Variants in TPRKB observed in about 807,000 individuals in gnomAD.
The protein encoded by TPRKB is TP53RK binding protein.
A neutral mutation model predicts 17.8 loss-of-function variants in TPRKB; 11 were observed. The ratio of observed to expected loss-of-function variants is 0.62; its 90% CI spans 0.39 to 1.02. The LOEUF is 1.02. Among genes scored for constraint, TPRKB ranks in the 50% least tolerant of loss-of-function variants. The pLI, the probability that TPRKB is intolerant of heterozygous loss-of-function variation, is 0.00. For synonymous variants in TPRKB, 71 were observed against 69.5 expected, an observed-to-expected ratio of 1.02 and a Z score of -0.11; for missense variants, 228 against 198.0, an observed-to-expected ratio of 1.15 and a Z score of -0.91.
At chr2:73,733,029 T>C (rs549391093) in intron 2 of TPRKB, among the ~76,000 whole-genome samples, 5 of 152,320 alleles carry the variant, frequency 3.3e-5, no homozygotes, top group South Asian at 2.1e-4. Context: ...AGGAAACTTA[T>C]GCAAGTTCAT....
At chr2:73,737,152 G>C (rs189406204) in intron 1 of TPRKB, 150 bp downstream of exon 1, 4 of 152,282 alleles carry the variant, frequency 2.6e-5, no homozygotes, top group African/African-American at 9.7e-5. Flanking sequence ...GGGACAGCCT[G>C]ACTCTATCAT....
At chr2:73,735,710 T>A (rs947310007) in intron 1 of TPRKB, among the ~76,000 whole-genome samples, 4 of 152,160 alleles carry the variant, frequency 2.6e-5, no homozygotes, top group Non-Finnish European at 5.9e-5. Context: ...ATGGAAAAAC[T>A]ATGTATTGCA....
chr2:73,734,664 T>G (rs778392469), intron 1 of TPRKB, 73 bp from the exon 2 acceptor site: 15 of 1,331,008 alleles, frequency 1.1e-5, no homozygotes, highest in Non-Finnish European at 1.5e-5. Flanking sequence ...TAATAAATAT[T>G]CAAAAACTTT....
rs780429095 is a variant in TPRKB, at chr2:73,730,711, C to G, written c.290G>C (p.Gly97Ala). 2.6e-6 allele frequency: 4 copies of G among 1,521,870 alleles called. No individual in the cohort carries two copies. The highest frequency in any genetic ancestry group is 3.5e-6 in the Non-Finnish European group (4 of 1,145,782). 94.3% of individuals were successfully genotyped at this position (1,521,870 alleles called of 1,614,324 possible). ...NNISEALKKF[G>A]ISANDTSILI... ...AATTGAAGTGTCATTTGCTGAGATA[C>G]CAAATTTTTTCAAAGCCTCTGAAAT... is the stretch of plus-strand genomic sequence containing the variant. Residue 97 changes from glycine (G) to alanine (A), a missense_variant, in exon 4 of 5, where the codon GGT becomes GCT. By Grantham distance (60) the Gly-to-Ala change is moderately conservative (BLOSUM62 0). Transcript: ENST00000272424.
At chr2:73,733,814 C>CTTTT (rs755122123) in intron 2 of TPRKB, among the ~76,000 whole-genome samples, 533 of 113,698 alleles carry the variant, frequency 4.7e-3, no homozygotes, top group African/African-American at 5.5e-3. Flanking sequence ...CTCATTCATT[C>CTTTT]TTTTTTTTTT....
Position 73,730,651 on chromosome 2 carries a change from A to G in TPRKB, c.350T>C (p.Ile117Thr), listed in dbSNP as rs1490998718. ...TTGAGATATTAGGTATTCTTGATTT[A>G]TTTGTTTTTCTCCCTCTTCAATGTA... ...IVYIEEGEKQ[I>T]NQEYLISQVE... Residue 117 changes from isoleucine to threonine, a missense_variant, in exon 4 of 5, where the codon ATA becomes ACA. By Grantham distance (89) the Ile-to-Thr change is moderately conservative. Coordinates refer to ENST00000272424, the MANE Select transcript of TPRKB (RefSeq NM_016058.5). 6.3e-7 allele frequency: 1 copy of G among 1,591,786 alleles called. No individual in the cohort carries two copies. Among genetic ancestry groups the G allele is most frequent in the Admixed American group, 1.8e-5 (1 of 54,864 alleles).
intron 1 of TPRKB, among the ~76,000 whole-genome samples, chr2:73,734,890 ATG>A (rs1225944895): frequency 6.6e-6 from 1 of 152,258 alleles, no homozygotes; most frequent in Non-Finnish European, 1.5e-5. Flanking sequence ...TAGGAGCAGA[ATG>A]TCAGGAATTT....
At chr2:73,732,455 T>C in intron 2 of TPRKB, 170 bp from the exon 3 acceptor site, 2 of 724,016 alleles carry the variant, frequency 2.8e-6, no homozygotes, top group South Asian at 1.9e-5. Flanking sequence ...CTCACACCTG[T>C]AATCCTAGCA....
chr2:73,732,184 G>A lies in TPRKB; in HGVS notation c.243C>T (p.Phe81=). The A allele has an allele frequency of 6.2e-7, 1 of 1,613,660 alleles. No homozygotes were observed. The highest frequency in any genetic ancestry group is 8.5e-7 in the Non-Finnish European group (1 of 1,179,854). ...KTRTLSTEII[F]NLSPNNNISE... Reference sequence around the variant, plus strand: ...TTACATTGTTATTTGGGGAAAGGTTGAAAATAATTTCAGTAGATAGAGTTC... The same window carrying A: ...TTACATTGTTATTTGGGGAAAGGTTAAAAATAATTTCAGTAGATAGAGTTC... Residue 81 remains phenylalanine (F), a synonymous_variant, in exon 3 of 5, where the codon TTC becomes TTT. Transcript: ENST00000272424.
chr2:73,730,728 C>T lies in TPRKB; in HGVS notation c.273G>A (p.Glu91=), dbSNP rs760780185. 2 of 1,508,724 alleles carry T rather than the reference C, an allele frequency of 1.3e-6. No homozygotes were observed. The highest frequency in any genetic ancestry group is 1.5e-5 in the African/African-American group (1 of 68,392). 93.5% of individuals were successfully genotyped at this position (1,508,724 alleles called of 1,614,324 possible). A position where few individuals can be genotyped will look rare whatever the true frequency, so the allele number is the denominator to read the frequency against. Residue 91 remains glutamate, a synonymous_variant, in exon 4 of 5, where the codon GAG becomes GAA. Coordinates refer to ENST00000272424, the MANE Select transcript of TPRKB (RefSeq NM_016058.5). ...FNLSPNNNIS[E]ALKKFGISAN... is the part of the protein sequence containing the mutation. The stretch of plus-strand genomic sequence containing the variant: ...CTGAGATACCAAATTTTTTCAAAGC[C>T]TCTGAAATCTAAGAGAAAAAAAATG...
chr2:73,736,966 C>G (rs1671913798), intron 1 of TPRKB, among the ~76,000 whole-genome samples: 1 of 152,188 alleles, frequency 6.6e-6, no homozygotes, highest in Non-Finnish European at 1.5e-5. Context: ...TCATCTCCGC[C>G]TGACGCACTC....
chr2:73,730,660 T>C lies in TPRKB; in HGVS notation c.341A>G (p.Glu114Gly). The C allele has an allele frequency of 1.9e-6, 3 of 1,591,518 alleles. No individual in the cohort carries two copies. Among genetic ancestry groups the C allele is most frequent in the Non-Finnish European group, 2.6e-6 (3 of 1,172,852 alleles). ...TAGGTATTCTTGATTTATTTGTTTTTCTCCCTCTTCAATGTAAACAATTAG... is the reference window on the plus strand; with the variant it reads ...TAGGTATTCTTGATTTATTTGTTTTCCTCCCTCTTCAATGTAAACAATTAG... Reference protein sequence around the residue: ...SILIVYIEEGEKQINQEYLIS... With the variant: ...SILIVYIEEGGKQINQEYLIS... Residue 114 changes from glutamate (E) to glycine (G), a missense_variant, in exon 4 of 5, where the codon GAA becomes GGA. Glu to Gly is a moderately conservative substitution (Grantham distance 98, BLOSUM62 -2). Transcript: ENST00000272424.
chr2:73,735,118 T>A (rs1015870519), intron 1 of TPRKB, among the ~76,000 whole-genome samples: 1 of 152,054 alleles, frequency 6.6e-6, no homozygotes, highest in Admixed American at 6.6e-5. Context: ...CACCTGAGGT[T>A]GGGAGTTCGA....
At position 73,730,743 on chromosome 2, in the gene TPRKB, GA is replaced by G. The variant is rs761115005; in HGVS notation, c.265-8del. ...TTTTCAAAGCCTCTGAAATCTAAGAGAAAAAAAATGAAAAAAAAAACACAAG... is the reference window on the plus strand; with the variant it reads ...TTTTCAAAGCCTCTGAAATCTAAGAGAAAAAAATGAAAAAAAAAACACAAG... On this transcript the variant is annotated splice_polypyrimidine_tract_variant and splice_region_variant and intron_variant, in intron 3 of 4. Transcript: ENST00000272424. 1.5e-3 allele frequency: 2,154 copies of G among 1,431,036 alleles called. 14 individuals carry two copies. The highest frequency in any genetic ancestry group is 8.5e-3 in the Middle Eastern group (46 of 5,394). 88.6% of individuals were successfully genotyped at this position (1,431,036 alleles called of 1,614,324 possible).
At chr2:73,732,468 T>C in intron 2 of TPRKB, 183 bp from the exon 3 acceptor site, 3 of 630,752 alleles carry the variant, frequency 4.8e-6, no homozygotes, top group South Asian at 2.1e-5. Context: ...TCCTAGCACT[T>C]TGGGAGGCCA....
intron 4 of TPRKB, 73 bp downstream of exon 4, chr2:73,730,487 T>C: frequency 5.6e-6 from 6 of 1,065,942 alleles, no homozygotes; most frequent in Non-Finnish European, 5.4e-6. Context: ...GGAGCTCTGG[T>C]GATCAATAGG....
At position 73,730,040 on chromosome 2, in the gene TPRKB, GAA is replaced by G; in HGVS notation, c.442-13_442-12del. 6.5e-7 allele frequency: 1 copy of G among 1,548,798 alleles called. No individual in the cohort carries two copies. Among genetic ancestry groups the G allele is most frequent in the Non-Finnish European group, 8.7e-7 (1 of 1,145,320 alleles). On this transcript the variant is annotated splice_polypyrimidine_tract_variant and intron_variant, in intron 4 of 4. Transcript: ENST00000272424. Reference sequence around the variant, plus strand: ...AGAGAGTTTATATATCTGTAAAAATGAAAGACAAATTATGACTTGCTGATATC... The same window carrying G: ...AGAGAGTTTATATATCTGTAAAAATGAGACAAATTATGACTTGCTGATATC...
intron 1 of TPRKB, among the ~76,000 whole-genome samples, chr2:73,736,858 T>C (rs1299715214): frequency 6.6e-6 from 1 of 152,100 alleles, no homozygotes; most frequent in African/African-American, 2.4e-5. Context: ...TCCCTGCCTC[T>C]CCTCTTCTGC....
At chr2:73,736,241 T>TAATC (rs1269644429) in intron 1 of TPRKB, among the ~76,000 whole-genome samples, 16 of 152,150 alleles carry the variant, frequency 1.1e-4, no homozygotes, top group Non-Finnish European at 1.8e-4. Context: ...CAGAAAGACA[T>TAATC]AATCAGTAGG....
Sources: gnomAD v4.1 joint callset for allele counts (sites outside exome capture counted in the v4.1 genomes callset) on GRCh38, gnomAD v4.1.1 for gene constraint, MANE v1.5 for transcripts, NCBI Gene and HGNC (gene_info 2026-07-23, HGNC 2026-07-21) for gene names.